Variants in ZNF627 observed in about 807,000 individuals in gnomAD.
The protein encoded by ZNF627 is zinc finger protein 627.
In ZNF627, 12 loss-of-function variants were observed where a neutral mutation model predicts 10.6. The ratio of observed to expected loss-of-function variants is 1.13; its 90% CI spans 0.73 to 1.84. The LOEUF (loss-of-function observed/expected upper bound fraction) is 1.84, where lower values mean the gene tolerates loss of function less well. ZNF627 is among the 40% of genes most tolerant of loss of function. The probability of loss-of-function intolerance (pLI) is 0.00; values close to 1 mark genes in which losing one functional copy is unlikely to be tolerated. For missense variants in ZNF627, 504 were observed against 568.4 expected (o/e 0.89, Z 1.15); for synonymous variants, 176 against 187.1 (o/e 0.94, Z 0.48).
chr19:11,615,499 G>A (rs1973850914), intron 3 of ZNF627, among the ~76,000 whole-genome samples: 1 of 148,380 alleles, frequency 6.7e-6, no homozygotes. Context: ...AGCTACTCGG[G>A]AGGCTGAGAC....
Position 11,618,255 on chromosome 19 carries a change from C to T in ZNF627, c.*366C>T, listed in dbSNP as rs1441751402. Reference sequence around the variant, plus strand: ...AGGGAGACAGCTGTGTGAATACAGGCTGTATGGACACTTGCTTCCATCCCA... The same window carrying T: ...AGGGAGACAGCTGTGTGAATACAGGTTGTATGGACACTTGCTTCCATCCCA... On this transcript the variant is annotated 3_prime_UTR_variant, in exon 4 of 4. Coordinates refer to ENST00000361113, the MANE Select transcript of ZNF627 (RefSeq NM_145295.4). 5.4e-6 allele frequency: 1 copy of T among 186,856 alleles called. No individual in the cohort carries two copies. 11.6% of individuals were successfully genotyped at this position (186,856 alleles called of 1,614,324 possible). A position where few individuals can be genotyped will look rare whatever the true frequency, so the allele number is the denominator to read the frequency against.
intron 1 of ZNF627, among the ~76,000 whole-genome samples, chr19:11,597,838 C>T (rs562473469): frequency 6.6e-6 from 1 of 152,200 alleles, no homozygotes; most frequent in African/African-American, 2.4e-5. Flanking sequence ...CCCCGCAGCC[C>T]CGCGTCTCCC....
At chr19:11,606,286 G>A (rs191505039) in intron 1 of ZNF627, among the ~76,000 whole-genome samples, 68 of 151,758 alleles carry the variant, frequency 4.5e-4, no homozygotes, top group Non-Finnish European at 8.2e-4. Flanking sequence ...CCAGTGAGCC[G>A]AGATCATGCC....
rs1438714015 is a variant in ZNF627, at chr19:11,618,566, G to A, written c.*677G>A. On this transcript the variant is annotated 3_prime_UTR_variant, in exon 4 of 4. Transcript: ENST00000361113. ...ACCTTTGTTCATACTAGTAGTGACT[G>A]TATTCTTGATTCAGCCTGATAGCTA... 1 of 152,180 alleles carries A rather than the reference G, an allele frequency of 6.6e-6. No homozygotes were observed. The highest frequency in any genetic ancestry group is 1.5e-5 in the Non-Finnish European group (1 of 68,040). The allele number at this position is 152,180 out of a possible 1,614,324, so 9.4% of individuals were successfully genotyped here.
In ZNF627 at chr19:11,616,878, A is replaced by G; in HGVS notation, c.375A>G (p.Gly125=). 1 of 1,614,128 alleles carries G rather than the reference A, an allele frequency of 6.2e-7. No individual in the cohort carries two copies. Among genetic ancestry groups the G allele is most frequent in the Non-Finnish European group, 8.5e-7 (1 of 1,180,012 alleles). The part of the protein sequence containing the change: ...SLNRHIRDHT[G]REPNEYQEYG... ...ATAGGCACATCAGAGATCACACTGG[A>G]CGTGAACCAAATGAATATCAGGAAT... Residue 125 remains glycine (G), a synonymous_variant, in exon 4 of 4, where the codon GGA becomes GGG. Transcript: ENST00000361113.
intron 1 of ZNF627, among the ~76,000 whole-genome samples, chr19:11,600,900 A>G (rs186881129): frequency 8.1e-4 from 123 of 152,328 alleles, no homozygotes; most frequent in African/African-American, 2.9e-3. Context: ...TTTTCCTGTT[A>G]AGGTATGAAA....
Position 11,614,525 on chromosome 19 carries a change from A to G in ZNF627, c.4-2A>G. On this transcript the variant is annotated splice_acceptor_variant, in intron 1 of 3. Coordinates refer to ENST00000361113, the MANE Select transcript of ZNF627 (RefSeq NM_145295.4). LOFTEE classifies it high-confidence loss of function. ...CTCCTCCACACATGGGGGATGTTTC[A>G]GGATTCAGTGGCCTTTGAGGATGTG... The G allele has an allele frequency of 6.2e-7, 1 of 1,613,858 alleles. No homozygotes were observed. Among genetic ancestry groups the G allele is most frequent in the Non-Finnish European group, 8.5e-7 (1 of 1,179,946 alleles).
In ZNF627 at chr19:11,615,978, G is replaced by A. The variant is rs567085579; in HGVS notation, c.192-717G>A. ...AGGTGATCCACCTGCCTCAGCCTCC[G>A]AAAGTGCTGGGATTACAGATGTGAG... On this transcript the variant is annotated intron_variant, in intron 3 of 3. Transcript: ENST00000361113. Among the ~76,000 whole-genome samples the A allele has an allele frequency of 1.3e-4, 19 of 149,230 alleles. No individual in the cohort carries two copies. In the South Asian group the frequency reaches 2.3e-3, roughly 18 times the overall value.
At chr19:11,607,395 C>G (rs1418077617) in intron 1 of ZNF627, among the ~76,000 whole-genome samples, 2 of 152,048 alleles carry the variant, frequency 1.3e-5, no homozygotes, top group African/African-American at 4.8e-5. Context: ...CTCAGCCTCC[C>G]AAGGTGCTGG....
chr19:11,604,503 G>A (rs1478859637), intron 1 of ZNF627: 1 of 152,214 alleles, frequency 6.6e-6, no homozygotes, highest in African/African-American at 2.4e-5. Flanking sequence ...TCTGAGCCTG[G>A]TGTTTTGGGT....
At position 11,597,649 on chromosome 19, in the gene ZNF627, G is replaced by T. The variant is rs72997090; in HGVS notation, c.3+19G>T. ...AGAAATGGTGCGTGTGAGGGGTCAG[G>T]CGTCCCCAGACCTGGGGGAGGGGCT... On this transcript the variant is annotated intron_variant, in intron 1 of 3. Transcript: ENST00000361113. 3.0e-6 allele frequency: 4 copies of T among 1,334,998 alleles called. No homozygotes were observed. The highest frequency in any genetic ancestry group is 3.9e-6 in the Non-Finnish European group (4 of 1,036,264). The allele number at this position is 1,334,998 out of a possible 1,614,324, so 82.7% of individuals were successfully genotyped here.
intron 3 of ZNF627, among the ~76,000 whole-genome samples, chr19:11,615,427 C>T (rs1344635412): frequency 8.1e-5 from 12 of 148,922 alleles, no homozygotes; most frequent in South Asian, 2.2e-4. Context: ...GGTGAAACTC[C>T]GTCTCTACTA....
At chr19:11,609,760 C>T (rs977798261) in intron 1 of ZNF627, among the ~76,000 whole-genome samples, 1 of 151,610 alleles carries the variant, frequency 6.6e-6, no homozygotes, top group African/African-American at 2.4e-5. Flanking sequence ...CCTTGTGATC[C>T]GCCCACCTTG....
rs1319974489 is a variant in ZNF627 at position 11,616,713 on chromosome 19, CTG to C, written c.213_214del (p.Cys71Ter). 3.1e-6 allele frequency: 5 copies of C among 1,592,578 alleles called. No individual in the cohort carries two copies. The African/African-American group carries it at 4.1e-5, about 13-fold the overall frequency. ...TGACAAGTCATATTCCAGAGAGACTCTGTGAAAGTAAAGAAGGTGGTCAAGGT... is the reference window on the plus strand; with the variant it reads ...TGACAAGTCATATTCCAGAGAGACTCTGAAAGTAAAGAAGGTGGTCAAGGT... ...RNISHIPERLCESKEGGQGEE... is the reference protein window; with the variant it reads ...RNISHIPERLXESKEGGQGEE... On this transcript the variant is annotated frameshift_variant, in exon 4 of 4. Transcript: ENST00000361113. LOFTEE classifies it low-confidence loss of function (END_TRUNC).
rs1568444492 is a variant in ZNF627, at chr19:11,616,779, CA to C, written c.278del (p.Lys93ArgfsTer6). ...FSQIPDGILN[K>X]KTPGVKPCES... ...GCCAGATTCCAGATGGTATTCTGAA[CA>C]AGAAAACTCCTGGAGTAAAACCGTG... On this transcript the variant is annotated frameshift_variant, in exon 4 of 4. Transcript: ENST00000361113. LOFTEE classifies it low-confidence loss of function (END_TRUNC). 6.2e-7 allele frequency: 1 copy of C among 1,613,840 alleles called. No individual in the cohort carries two copies. The highest frequency in any genetic ancestry group is 1.7e-5 in the Admixed American group (1 of 59,996).
chr19:11,607,882 C>T lies in ZNF627; in HGVS notation c.4-6645C>T, dbSNP rs1973701652. On this transcript the variant is annotated intron_variant, in intron 1 of 3. Transcript: ENST00000361113. ...CCAACCCTTGCCTGTTCCCCAGTTCCAAAGTTGCTTCCACATTTTCAGGTA... is the reference window on the plus strand; with the variant it reads ...CCAACCCTTGCCTGTTCCCCAGTTCTAAAGTTGCTTCCACATTTTCAGGTA... Among the ~76,000 whole-genome samples, 3 of 152,184 alleles carry T rather than the reference C, an allele frequency of 2.0e-5. No homozygotes were observed. In the South Asian group the frequency reaches 6.2e-4, roughly 32 times the overall value.
intron 1 of ZNF627, among the ~76,000 whole-genome samples, chr19:11,613,522 T>TA (rs905539989): frequency 1.3e-5 from 2 of 151,326 alleles, no homozygotes; most frequent in African/African-American, 4.9e-5. Context: ...AACAGCTAAT[T>TA]AAAAAAAATA....
intron 1 of ZNF627, among the ~76,000 whole-genome samples, chr19:11,610,409 C>T (rs911495637): frequency 1.3e-5 from 2 of 151,996 alleles, no homozygotes; most frequent in Non-Finnish European, 2.9e-5. Flanking sequence ...TATGACATTT[C>T]AAGCAGTTGC....
At chr19:11,605,434 A>G (rs1219095647) in intron 1 of ZNF627, among the ~76,000 whole-genome samples, 2 of 152,040 alleles carry the variant, frequency 1.3e-5, no homozygotes, top group Non-Finnish European at 1.5e-5. Flanking sequence ...TAAAGGAAAG[A>G]GATTTCATTG....
Sources: gnomAD v4.1 joint callset for allele counts (sites outside exome capture counted in the v4.1 genomes callset) on GRCh38, gnomAD v4.1.1 for gene constraint, MANE v1.5 for transcripts, NCBI Gene and HGNC (gene_info 2026-07-23, HGNC 2026-07-21) for gene names.